Variants in C2CD4A observed in about 807,000 individuals in gnomAD.
C2CD4A encodes C2 calcium dependent domain containing 4A.
Under a neutral mutation model 0.4 loss-of-function variants are expected in C2CD4A, and 2 were observed. That is an observed-to-expected ratio of 4.45 (90% CI 1.82 to 13.99). The LOEUF (loss-of-function observed/expected upper bound fraction) is 13.99. Ranked by LOEUF, C2CD4A falls within the 30% of genes most tolerant of loss-of-function variation. C2CD4A has a pLI of 0.04. For missense variants in C2CD4A, 610 were observed against 574.2 expected, an observed-to-expected ratio of 1.06 and a Z score of -0.64; for synonymous variants, 297 against 280.8, an observed-to-expected ratio of 1.06 and a Z score of -0.58.
chr15:62,070,500 T>G lies in C2CD4A; in HGVS notation c.*1777T>G, dbSNP rs993511520. On this transcript the variant is annotated 3_prime_UTR_variant, in exon 2 of 2. Coordinates refer to ENST00000355522, the MANE Select transcript of C2CD4A (RefSeq NM_207322.3). ...GCTTTTATTAAAATTGTTCACAGTTTTATACATTCATGTTCATTAAAAATG... is the reference window on the plus strand; with the variant it reads ...GCTTTTATTAAAATTGTTCACAGTTGTATACATTCATGTTCATTAAAAATG... The G allele has an allele frequency of 4.8e-6, 2 of 413,398 alleles. No individual in the cohort carries two copies. Among genetic ancestry groups the G allele is most frequent in the African/African-American group, 4.1e-5 (2 of 48,626 alleles). The allele number at this position is 413,398 out of a possible 1,614,324, so 25.6% of individuals were successfully genotyped here.
Position 62,070,804 on chromosome 15 carries a change from C to T in C2CD4A, c.*2081C>T, listed in dbSNP as rs2049078891. 1 of 308,966 alleles carries T rather than the reference C, an allele frequency of 3.2e-6. No homozygotes were observed. The highest frequency in any genetic ancestry group is 1.7e-4 in the South Asian group (1 of 6,030). The allele number at this position is 308,966 out of a possible 1,614,324, so 19.1% of individuals were successfully genotyped here. A position where few individuals can be genotyped will look rare whatever the true frequency, so the allele number is the denominator to read the frequency against. On this transcript the variant is annotated 3_prime_UTR_variant, in exon 2 of 2. Transcript: ENST00000355522. ...AATATTTCCTTGGCCCTCAAGCCAA[C>T]ATTCATTTTTTATGTATAACCTTCT...
Position 62,068,481 on chromosome 15 carries a change from G to A in C2CD4A, c.868G>A (p.Val290Ile). The A allele has an allele frequency of 2.0e-6, 3 of 1,472,782 alleles. No homozygotes were observed. Among genetic ancestry groups the A allele is most frequent in the Non-Finnish European group, 2.7e-6 (3 of 1,116,814 alleles). The allele number at this position is 1,472,782 out of a possible 1,614,324, so 91.2% of individuals were successfully genotyped here. ...PAGGAPGPRA[V>I]SCRLSLVLRP... The stretch of plus-strand genomic sequence containing the variant: ...CGGAGGCGCCCCCGGGCCCCGAGCC[G>A]TCAGCTGTCGCCTCAGCCTCGTCCT... The change falls in exon 2 of 2, where the codon GTC becomes ATC. Residue 290 changes from valine to isoleucine, a missense_variant. Physicochemically the swap from Val to Ile is conservative, Grantham distance 29 (BLOSUM62 3). Transcript: ENST00000355522.
rs529455592 is a variant in C2CD4A at position 62,068,075 on chromosome 15, G to A, written c.462G>A (p.Pro154=). 8.8e-7 allele frequency: 1 copy of A among 1,142,378 alleles called. No individual in the cohort carries two copies. Among genetic ancestry groups the A allele is most frequent in the Non-Finnish European group, 1.1e-6 (1 of 933,284 alleles). The allele number at this position is 1,142,378 out of a possible 1,614,324, so 70.8% of individuals were successfully genotyped here. A position where few individuals can be genotyped will look rare whatever the true frequency, so the allele number is the denominator to read the frequency against. ...LLGTLRVPRA[P]GPATPAAPGC... is the part of the protein sequence containing the mutation. ...GGACCCTGCGCGTCCCGCGAGCTCC[G>A]GGCCCGGCGACCCCCGCGGCCCCCG... is the stretch of plus-strand genomic sequence containing the variant. Residue 154 remains proline, a synonymous_variant, in exon 2 of 2, where the codon CCG becomes CCA. Transcript: ENST00000355522.
In C2CD4A at chr15:62,068,180, G is replaced by C. The variant is rs754244768; in HGVS notation, c.567G>C (p.Leu189=). The C allele has an allele frequency of 1.2e-5, 15 of 1,286,270 alleles. No homozygotes were observed. The Admixed American group carries it at 5.6e-4, about 48-fold the overall frequency. The allele number at this position is 1,286,270 out of a possible 1,614,324, so 79.7% of individuals were successfully genotyped here. A position where few individuals can be genotyped will look rare whatever the true frequency, so the allele number is the denominator to read the frequency against. Residue 189 remains leucine, a synonymous_variant, in exon 2 of 2, where the codon CTG becomes CTC. Coordinates refer to ENST00000355522, the MANE Select transcript of C2CD4A (RefSeq NM_207322.3). ...CRLLRVPDGL[L]SRALRAGRSR... Reference sequence around the variant, plus strand: ...TCCTGCGCGTCCCCGACGGGCTGCTGAGTCGCGCGCTGCGGGCTGGGAGGA... The same window carrying C: ...TCCTGCGCGTCCCCGACGGGCTGCTCAGTCGCGCGCTGCGGGCTGGGAGGA...
rs965786569 is a variant in C2CD4A, at chr15:62,068,827, A to G, written c.*104A>G. ...TTGTTGTTCTTATCAGTCCCGTTTC[A>G]GTACAACACTGGCAGAGATGATTCT... On this transcript the variant is annotated 3_prime_UTR_variant, in exon 2 of 2. Coordinates refer to ENST00000355522, the MANE Select transcript of C2CD4A (RefSeq NM_207322.3). 1 of 1,338,636 alleles carries G rather than the reference A, an allele frequency of 7.5e-7. No homozygotes were observed. Among genetic ancestry groups the G allele is most frequent in the African/African-American group, 1.5e-5 (1 of 65,450 alleles). 82.9% of individuals were successfully genotyped at this position (1,338,636 alleles called of 1,614,324 possible). A position where few individuals can be genotyped will look rare whatever the true frequency, so the allele number is the denominator to read the frequency against.
In C2CD4A at chr15:62,068,111, C is replaced by G; in HGVS notation, c.498C>G (p.Arg166=). 8 of 1,162,538 alleles carry G rather than the reference C, an allele frequency of 6.9e-6. No individual in the cohort carries two copies. The highest frequency in any genetic ancestry group is 8.5e-6 in the Non-Finnish European group (8 of 945,666). 72.0% of individuals were successfully genotyped at this position (1,162,538 alleles called of 1,614,324 possible). Residue 166 remains arginine (R), a synonymous_variant, in exon 2 of 2, where the codon CGC becomes CGG. Coordinates refer to ENST00000355522, the MANE Select transcript of C2CD4A (RefSeq NM_207322.3). ...CCCCCGCGGCCCCCGGCTGTCCCCG[C>G]CCGCCCCAGGACGCGCTCGCCCGGC... ...PATPAAPGCP[R]PPQDALARRP...
At position 62,070,580 on chromosome 15, in the gene C2CD4A, G is replaced by T. The variant is rs975114707; in HGVS notation, c.*1857G>T. ...TATTATACAAAATTCGAAGAAAAAAGAAAAGAGTTTCTGTTTCAGTCACAA... is the reference window on the plus strand; with the variant it reads ...TATTATACAAAATTCGAAGAAAAAATAAAAGAGTTTCTGTTTCAGTCACAA... On this transcript the variant is annotated 3_prime_UTR_variant, in exon 2 of 2. Transcript: ENST00000355522. The T allele has an allele frequency of 3.6e-5, 15 of 413,284 alleles. No individual in the cohort carries two copies. The highest frequency in any genetic ancestry group is 8.8e-5 in the Admixed American group (2 of 22,720). The allele number at this position is 413,284 out of a possible 1,614,324, so 25.6% of individuals were successfully genotyped here.
Position 62,068,039 on chromosome 15 carries a change from C to G in C2CD4A, c.426C>G (p.Asp142Glu), listed in dbSNP as rs1347775455. 2.2e-5 allele frequency: 28 copies of G among 1,267,214 alleles called. No individual in the cohort carries two copies. The highest frequency in any genetic ancestry group is 3.1e-4 in the Middle Eastern group (1 of 3,276). 78.5% of individuals were successfully genotyped at this position (1,267,214 alleles called of 1,614,324 possible). The change falls in exon 2 of 2, where the codon GAC (aspartate) becomes GAG (glutamate). Residue 142 changes from aspartate to glutamate, a missense_variant. Transcript: ENST00000355522. ...CCTACGGCGGCGGCGGCGGCCCGGA[C>G]GCCCTCCTGGGGACCCTGCGCGTCC... ...AHTYGGGGGP[D>E]ALLGTLRVPR...
Position 62,069,164 on chromosome 15 carries a change from T to A in C2CD4A, c.*441T>A. 2 of 175,392 alleles carry A rather than the reference T, an allele frequency of 1.1e-5. No individual in the cohort carries two copies. The highest frequency in any genetic ancestry group is 2.0e-4 in the South Asian group (1 of 4,926). 10.9% of individuals were successfully genotyped at this position (175,392 alleles called of 1,614,324 possible). A position where few individuals can be genotyped will look rare whatever the true frequency, so the allele number is the denominator to read the frequency against. On this transcript the variant is annotated 3_prime_UTR_variant, in exon 2 of 2. Transcript: ENST00000355522. ...GATAAGAAAATGAGGGCAAAAGAGG[T>A]GAAGTGACTTGTCCAAGATCAACAG...
Position 62,070,271 on chromosome 15 carries a change from A to G in C2CD4A, c.*1548A>G, listed in dbSNP as rs1216444619. The G allele has an allele frequency of 2.4e-6, 1 of 413,014 alleles. No individual in the cohort carries two copies. The highest frequency in any genetic ancestry group is 3.6e-5 in the East Asian group (1 of 28,094). 25.6% of individuals were successfully genotyped at this position (413,014 alleles called of 1,614,324 possible). A position where few individuals can be genotyped will look rare whatever the true frequency, so the allele number is the denominator to read the frequency against. On this transcript the variant is annotated 3_prime_UTR_variant, in exon 2 of 2. Coordinates refer to ENST00000355522, the MANE Select transcript of C2CD4A (RefSeq NM_207322.3). The stretch of plus-strand genomic sequence containing the variant: ...GGTGTTAAATATGACTCCATTATCA[A>G]TCTGGATTCAGAAATGGTTTCTGCT...
At position 62,068,770 on chromosome 15, in the gene C2CD4A, T is replaced by C. The variant is rs1239758121; in HGVS notation, c.*47T>C. ...GCTCTGCCCGGGGGACTCCGGACACTGACAGCCGCGTGGTACAAAATAAAC... is the reference window on the plus strand; with the variant it reads ...GCTCTGCCCGGGGGACTCCGGACACCGACAGCCGCGTGGTACAAAATAAAC... On this transcript the variant is annotated 3_prime_UTR_variant, in exon 2 of 2. Coordinates refer to ENST00000355522, the MANE Select transcript of C2CD4A (RefSeq NM_207322.3). The C allele has an allele frequency of 2.8e-6, 4 of 1,426,180 alleles. No individual in the cohort carries two copies. The African/African-American group carries it at 4.5e-5, about 16-fold the overall frequency. 88.3% of individuals were successfully genotyped at this position (1,426,180 alleles called of 1,614,324 possible). A position where few individuals can be genotyped will look rare whatever the true frequency, so the allele number is the denominator to read the frequency against.
In C2CD4A at chr15:62,067,948, C is replaced by G. The variant is rs1339928946; in HGVS notation, c.335C>G (p.Pro112Arg). The change falls in exon 2 of 2, where the codon CCG (proline) becomes CGG (arginine). Residue 112 changes from proline (P) to arginine (R), a missense_variant. Pro to Arg is a moderately radical substitution (Grantham distance 103). Coordinates refer to ENST00000355522, the MANE Select transcript of C2CD4A (RefSeq NM_207322.3). ...AYGFCALLESPHTRRKESLLL... is the reference protein window; with the variant it reads ...AYGFCALLESRHTRRKESLLL... ...GGCTTCTGCGCGCTGCTCGAGAGCC[C>G]GCACACGCGCCGCAAGGAGTCGCTC... The G allele has an allele frequency of 6.5e-7, 1 of 1,548,824 alleles. No individual in the cohort carries two copies. The highest frequency in any genetic ancestry group is 8.7e-7 in the Non-Finnish European group (1 of 1,155,676).
chr15:62,068,346 G>T lies in C2CD4A; in HGVS notation c.733G>T (p.Glu245Ter). 7.1e-7 allele frequency: 1 copy of T among 1,408,836 alleles called. No individual in the cohort carries two copies. Among genetic ancestry groups the T allele is most frequent in the Non-Finnish European group, 9.2e-7 (1 of 1,082,122 alleles). 87.3% of individuals were successfully genotyped at this position (1,408,836 alleles called of 1,614,324 possible). ...RVPFPERLEA[E>*]GTVALGRAGD... ...CCCGTTTCCCGAGCGCCTGGAGGCCGAGGGCACCGTGGCTCTGGGCCGCGC... is the reference window on the plus strand; with the variant it reads ...CCCGTTTCCCGAGCGCCTGGAGGCCTAGGGCACCGTGGCTCTGGGCCGCGC... The change falls in exon 2 of 2, where the codon GAG becomes TAG. Residue 245 changes from glutamate (E) to a stop codon, truncating the protein, a stop_gained. Transcript: ENST00000355522. LOFTEE classifies it low-confidence loss of function (END_TRUNC).
At position 62,067,613 on chromosome 15, in the gene C2CD4A, G is replaced by C; in HGVS notation, c.-1G>C. On this transcript the variant is annotated 5_prime_UTR_variant, in exon 2 of 2. Transcript: ENST00000355522. The stretch of plus-strand genomic sequence containing the variant: ...GACAAGCTCCAGCAGAGAGTGGCCA[G>C]ATGTGGTGCCTGGAGCGACTCCGCT... 6.3e-7 allele frequency: 1 copy of C among 1,585,878 alleles called. No individual in the cohort carries two copies. The highest frequency in any genetic ancestry group is 8.6e-7 in the Non-Finnish European group (1 of 1,169,572).
Position 62,068,419 on chromosome 15 carries a change from GGCTCCGCCTCCGGCT to G in C2CD4A, c.814_828del (p.Leu272_Arg276del). On this transcript the variant is annotated inframe_deletion, in exon 2 of 2. Transcript: ENST00000355522. The stretch of plus-strand genomic sequence containing the variant: ...GCCGAGTACTGTCCGGGAACCGGGC[GGCTCCGCCTCCGGCT>G]GCTCCGCGCCGAGAGCCCGGCCGGA... 1 of 1,399,508 alleles carries G rather than the reference GGCTCCGCCTCCGGCT, an allele frequency of 7.1e-7. No individual in the cohort carries two copies. Among genetic ancestry groups the G allele is most frequent in the Non-Finnish European group, 9.2e-7 (1 of 1,086,502 alleles). 86.7% of individuals were successfully genotyped at this position (1,399,508 alleles called of 1,614,324 possible). A position where few individuals can be genotyped will look rare whatever the true frequency, so the allele number is the denominator to read the frequency against.
At position 62,067,781 on chromosome 15, in the gene C2CD4A, G is replaced by A; in HGVS notation, c.168G>A (p.Met56Ile). 6.2e-7 allele frequency: 1 copy of A among 1,612,954 alleles called. No homozygotes were observed. ...IPEFCIPPRLMPRLALAALRN... is the reference protein window; with the variant it reads ...IPEFCIPPRLIPRLALAALRN... The stretch of plus-strand genomic sequence containing the variant: ...AGTTCTGCATCCCGCCACGGCTCAT[G>A]CCCCGCCTGGCCTTGGCTGCGCTCC... The change falls in exon 2 of 2, where the codon ATG becomes ATA. Residue 56 changes from methionine (M) to isoleucine (I), a missense_variant. Met to Ile is a conservative substitution (Grantham distance 10). Transcript: ENST00000355522.
At position 62,070,534 on chromosome 15, in the gene C2CD4A, A is replaced by G; in HGVS notation, c.*1811A>G. 4 of 413,556 alleles carry G rather than the reference A, an allele frequency of 9.7e-6. No homozygotes were observed. Among genetic ancestry groups the G allele is most frequent in the Non-Finnish European group, 1.8e-5 (4 of 226,158 alleles). 25.6% of individuals were successfully genotyped at this position (413,556 alleles called of 1,614,324 possible). Reference sequence around the variant, plus strand: ...CATGTTCATTAAAAATGCTATTTAGAAAAGAGTTTGATAAAATAAATATTA... The same window carrying G: ...CATGTTCATTAAAAATGCTATTTAGGAAAGAGTTTGATAAAATAAATATTA... On this transcript the variant is annotated 3_prime_UTR_variant, in exon 2 of 2. Coordinates refer to ENST00000355522, the MANE Select transcript of C2CD4A (RefSeq NM_207322.3).
In C2CD4A at chr15:62,070,577, AAAG is replaced by A. The variant is rs2049076858; in HGVS notation, c.*1857_*1859del. 2.4e-6 allele frequency: 1 copy of A among 413,370 alleles called. No homozygotes were observed. The highest frequency in any genetic ancestry group is 4.4e-6 in the Non-Finnish European group (1 of 226,138). The allele number at this position is 413,370 out of a possible 1,614,324, so 25.6% of individuals were successfully genotyped here. Reference sequence around the variant, plus strand: ...AAATATTATACAAAATTCGAAGAAAAAAGAAAAGAGTTTCTGTTTCAGTCACAA... The same window carrying A: ...AAATATTATACAAAATTCGAAGAAAAAAAAGAGTTTCTGTTTCAGTCACAA... On this transcript the variant is annotated 3_prime_UTR_variant, in exon 2 of 2. Coordinates refer to ENST00000355522, the MANE Select transcript of C2CD4A (RefSeq NM_207322.3).
rs1419066181 is a variant in C2CD4A at position 62,070,087 on chromosome 15, A to T, written c.*1364A>T. On this transcript the variant is annotated 3_prime_UTR_variant, in exon 2 of 2. Coordinates refer to ENST00000355522, the MANE Select transcript of C2CD4A (RefSeq NM_207322.3). Reference sequence around the variant, plus strand: ...AGCATGGTTTTACCTCTGGCTTCTGATAATAATTCCAGATTTAACAATCCT... The same window carrying T: ...AGCATGGTTTTACCTCTGGCTTCTGTTAATAATTCCAGATTTAACAATCCT... 2.8e-6 allele frequency: 1 copy of T among 351,138 alleles called. No homozygotes were observed. The highest frequency in any genetic ancestry group is 5.3e-6 in the Non-Finnish European group (1 of 189,264). 21.8% of individuals were successfully genotyped at this position (351,138 alleles called of 1,614,324 possible). A position where few individuals can be genotyped will look rare whatever the true frequency, so the allele number is the denominator to read the frequency against.
Sources: gnomAD v4.1 joint callset for allele counts on GRCh38, gnomAD v4.1.1 for gene constraint, MANE v1.5 for transcripts, NCBI Gene and HGNC (gene_info 2026-07-23, HGNC 2026-07-21) for gene names.